Variants in KIF6 observed in about 807,000 individuals in gnomAD.
KIF6 encodes the protein kinesin-like protein KIF6.
A neutral mutation model predicts 112.7 loss-of-function variants in KIF6; 106 were observed. The ratio of observed to expected loss-of-function variants is 0.94; its 90% confidence interval spans 0.80 to 1.11. KIF6 has a LOEUF of 1.11. Ranked by LOEUF, KIF6 falls within the 50% of genes least tolerant of loss-of-function variation. The pLI, the probability that KIF6 is intolerant of heterozygous loss-of-function variation, is 0.00. For missense variants in KIF6, 929 were observed against 964.0 expected, an observed-to-expected ratio of 0.96 and a Z score of 0.48; for synonymous variants, 339 against 339.9, an observed-to-expected ratio of 1.00 and a Z score of 0.03.
chr6:39,390,440 A>C (rs1044632315), intron 15 of KIF6, among the ~76,000 whole-genome samples: 3 of 152,200 alleles, frequency 2.0e-5, no homozygotes, highest in Non-Finnish European at 4.4e-5. Flanking sequence ...AGAAAAGAGC[A>C]AGGGTGTTAA....
At chr6:39,539,863 TA>T (rs1387467989) in intron 13 of KIF6, 139 bp downstream of exon 13, 1 of 659,350 alleles carries the variant, frequency 1.5e-6, no homozygotes, top group Non-Finnish European at 2.5e-6. Context: ...AAGTGGTATT[TA>T]ATTTAAGATA....
At chr6:39,394,384 T>C (rs976219592) in intron 15 of KIF6, among the ~76,000 whole-genome samples, 1 of 152,218 alleles carries the variant, frequency 6.6e-6, no homozygotes, top group Non-Finnish European at 1.5e-5. Context: ...TCATCTGCCA[T>C]GTGTGCTGAC....
intron 14 of KIF6, among the ~76,000 whole-genome samples, chr6:39,429,645 C>T (rs1009624209): frequency 6.6e-6 from 1 of 152,222 alleles, no homozygotes; most frequent in Admixed American, 6.5e-5. Context: ...CGCAGTGGCT[C>T]ATGCCTGTAA....
chr6:39,412,901 C>T (rs1769592376), intron 15 of KIF6, among the ~76,000 whole-genome samples: 1 of 152,052 alleles, frequency 6.6e-6, no homozygotes, highest in Non-Finnish European at 1.5e-5. Flanking sequence ...GCACATGATG[C>T]TCATGTCTCC....
chr6:39,458,532 C>T (rs1355835151), intron 13 of KIF6, among the ~76,000 whole-genome samples: 1 of 151,082 alleles, frequency 6.6e-6, no homozygotes, highest in Non-Finnish European at 1.5e-5. Context: ...GGCACTCAGG[C>T]AGGAGAAGGA....
chr6:39,440,580 C>T (rs980900250), intron 13 of KIF6, among the ~76,000 whole-genome samples: 23 of 152,046 alleles, frequency 1.5e-4, no homozygotes, highest in Admixed American at 1.4e-3. Context: ...GAATCCAGCA[C>T]CCCCTCACTG....
chr6:39,367,186 C>A (rs1446756042), intron 16 of KIF6, among the ~76,000 whole-genome samples: 1 of 152,152 alleles, frequency 6.6e-6, no homozygotes, highest in Non-Finnish European at 1.5e-5. Flanking sequence ...AGGCTTGGCT[C>A]ATCAGTAACC....
At chr6:39,339,033 C>T (rs779071857) in intron 22 of KIF6, among the ~76,000 whole-genome samples, 15 of 152,140 alleles carry the variant, frequency 9.9e-5, no homozygotes, top group Non-Finnish European at 1.5e-4. Flanking sequence ...CTTACATGCA[C>T]AGACCTCAAC....
chr6:39,405,095 A>AT (rs1410118575), intron 15 of KIF6, among the ~76,000 whole-genome samples: 1 of 152,048 alleles, frequency 6.6e-6, no homozygotes, highest in Non-Finnish European at 1.5e-5. Flanking sequence ...AAACTCTTTT[A>AT]TTGTTTATAG....
At chr6:39,565,710 A>G (rs1014829962) in intron 10 of KIF6, among the ~76,000 whole-genome samples, 1 of 152,250 alleles carries the variant, frequency 6.6e-6, no homozygotes, top group Non-Finnish European at 1.5e-5. Flanking sequence ...AGTATCAACA[A>G]TAACAACAAA....
intron 5 of KIF6, among the ~76,000 whole-genome samples, chr6:39,628,645 A>T (rs1390817982): frequency 6.6e-6 from 1 of 152,130 alleles, no homozygotes; most frequent in Non-Finnish European, 1.5e-5. Context: ...GTTGTTAATT[A>T]TCTCAATAGT....
At chr6:39,382,856 C>T (rs1324116903) in intron 16 of KIF6, among the ~76,000 whole-genome samples, 2 of 151,690 alleles carry the variant, frequency 1.3e-5, no homozygotes, top group African/African-American at 4.9e-5. Context: ...TTAGCAATAG[C>T]CATTCTGACT....
chr6:39,355,295 AT>A (rs964220015), intron 19 of KIF6, among the ~76,000 whole-genome samples: 7 of 151,930 alleles, frequency 4.6e-5, no homozygotes, highest in African/African-American at 9.7e-5. Flanking sequence ...TACATTAAAC[AT>A]TTTTTTTCTT....
chr6:39,640,732 C>T (rs1784858632), intron 3 of KIF6, among the ~76,000 whole-genome samples: 1 of 152,118 alleles, frequency 6.6e-6, no homozygotes, highest in Admixed American at 6.6e-5. Flanking sequence ...TTATAAGGGT[C>T]TCCTAAAACA....
intron 13 of KIF6, among the ~76,000 whole-genome samples, chr6:39,493,614 G>A (rs1775606803): frequency 6.6e-6 from 1 of 152,212 alleles, no homozygotes; most frequent in South Asian, 2.1e-4. Context: ...CCTTGGCACA[G>A]TATTGTCTGT....
chr6:39,361,443 C>A (rs1173633243), intron 17 of KIF6, among the ~76,000 whole-genome samples: 2 of 151,290 alleles, frequency 1.3e-5, no homozygotes, highest in African/African-American at 4.9e-5. Context: ...GCTGTAATCC[C>A]AGCTACTCAA....
intron 13 of KIF6, among the ~76,000 whole-genome samples, chr6:39,440,425 T>G (rs1771845861): frequency 6.6e-6 from 1 of 152,180 alleles, no homozygotes; most frequent in South Asian, 2.1e-4. Context: ...TCAAGTGTGT[T>G]TTTTGTATGG....
chr6:39,661,521 C>T (rs1364173043), intron 3 of KIF6, among the ~76,000 whole-genome samples: 1 of 152,064 alleles, frequency 6.6e-6, no homozygotes, highest in Non-Finnish European at 1.5e-5. Context: ...AACTCATTCT[C>T]TTCCTGGGGA....
At chr6:39,481,246 T>G (rs1025859240) in intron 13 of KIF6, among the ~76,000 whole-genome samples, 1 of 152,156 alleles carries the variant, frequency 6.6e-6, no homozygotes, top group African/African-American at 2.4e-5. Context: ...TCAGGAATGA[T>G]GGGAGGTGTG....
Sources: allele counts gnomAD v4.1 joint callset (sites outside exome capture counted in the v4.1 genomes callset), GRCh38; gene constraint gnomAD v4.1.1; transcripts MANE v1.5; gene names NCBI Gene and HGNC (gene_info 2026-07-23, HGNC 2026-07-21).